The following CAV1 variants were observed in gnomAD, a reference collection of about 807,000 sequenced individuals.
CAV1 encodes the protein caveolin-1.
A neutral mutation model predicts 16.5 loss-of-function variants in CAV1; 10 were observed. That is an observed-to-expected ratio of 0.61 (90% CI 0.37 to 1.03). CAV1 has a LOEUF of 1.03. Among genes scored for constraint, CAV1 ranks in the 50% least tolerant of loss-of-function variants. The pLI is 0.01. For missense variants in CAV1, 212 were observed against 232.8 expected (o/e 0.91, Z 0.58); for synonymous variants, 76 against 85.1 (o/e 0.89, Z 0.59).
intron 2 of CAV1, among the ~76,000 whole-genome samples, chr7:116,534,384 TATATA>T (rs1416983159): frequency 3.0e-4 from 4 of 13,544 alleles, no homozygotes; most frequent in Admixed American, 9.3e-4. Context: ...TATATATATA[TATATA>T]TATATATTTT....
chr7:116,555,513 A>G (rs1562838097), intron 2 of CAV1, among the ~76,000 whole-genome samples: 170 of 13,232 alleles, frequency 0.013, 23 homozygotes, highest in East Asian at 0.056. Flanking sequence ...AGAAAGAAAG[A>G]AAGAAAGAGA....
At chr7:116,541,576 C>G (rs1220822268) in intron 2 of CAV1, among the ~76,000 whole-genome samples, 1 of 151,892 alleles carries the variant, frequency 6.6e-6, no homozygotes, top group African/African-American at 2.4e-5. Flanking sequence ...CATGGTGAAA[C>G]CTCATGTCTA....
Position 116,559,108 on chromosome 7 carries a change from G to T in CAV1, c.358G>T (p.Ala120Ser). The change falls in exon 3 of 3, where the codon GCC becomes TCC. Residue 120 changes from alanine (A) to serine (S), a missense_variant. Transcript: ENST00000341049. ...PMALIWGIYF[A>S]ILSFLHIWAV... is the part of the protein sequence containing the mutation. ...GGCACTCATCTGGGGCATTTACTTC[G>T]CCATTCTCTCTTTCCTGCACATCTG... 2.5e-6 allele frequency: 4 copies of T among 1,613,802 alleles called. No homozygotes were observed. Among genetic ancestry groups the T allele is most frequent in the Non-Finnish European group, 2.5e-6 (3 of 1,179,894 alleles).
chr7:116,541,402 C>G (rs1167814543), intron 2 of CAV1, among the ~76,000 whole-genome samples: 1 of 152,108 alleles, frequency 6.6e-6, no homozygotes, highest in Non-Finnish European at 1.5e-5. Flanking sequence ...ACGCAATTAC[C>G]ATTCAAGATA....
At chr7:116,547,448 A>G (rs757301730) in intron 2 of CAV1, among the ~76,000 whole-genome samples, 38 of 152,202 alleles carry the variant, frequency 2.5e-4, no homozygotes, top group Non-Finnish European at 3.4e-4. Flanking sequence ...TCCAAAGCAA[A>G]GAGAGTGGCT....
At chr7:116,527,154 C>T (rs926198) in intron 2 of CAV1, 132,462 of 202,494 alleles carry the variant, frequency 0.65, 44,719 homozygotes, top group East Asian at 0.94. Flanking sequence ...GGGCATGTTC[C>T]CCCAACTAAA....
intron 1 of CAV1, chr7:116,525,725 G>A (rs1000916925): frequency 1.9e-6 from 2 of 1,060,070 alleles, no homozygotes; most frequent in South Asian, 6.9e-5. Flanking sequence ...TGGAAACCTC[G>A]TCTTCCAACA....
At chr7:116,528,989 C>A (rs542996552) in intron 2 of CAV1, among the ~76,000 whole-genome samples, 65 of 152,066 alleles carry the variant, frequency 4.3e-4, no homozygotes, top group Non-Finnish European at 1.3e-4. Flanking sequence ...GCCACCATGC[C>A]GGGTTAATAT....
Position 116,526,559 on chromosome 7 carries a change from GCAACATCTA to G in CAV1, c.69_77del (p.Asn23_Tyr25del). The G allele has an allele frequency of 6.2e-7, 1 of 1,614,080 alleles. No homozygotes were observed. The highest frequency in any genetic ancestry group is 8.5e-7 in the Non-Finnish European group (1 of 1,180,032). ...TACACCGTTCCCATCCGGGAACAGG[GCAACATCTA>G]CAAGCCCAACAACAAGGCCATGGCA... On this transcript the variant is annotated inframe_deletion, in exon 2 of 3. Transcript: ENST00000341049.
At position 116,560,863 on chromosome 7, in the gene CAV1, C is replaced by A; in HGVS notation, c.*1576C>A. 1 of 152,698 alleles carries A rather than the reference C, an allele frequency of 6.5e-6. No homozygotes were observed. The allele number at this position is 152,698 out of a possible 1,614,324, so 9.5% of individuals were successfully genotyped here. ...TGACTTTTTGCATTTAAAACAGACACTGGCATGGATATAGTTTTACTTTTA... is the reference window on the plus strand; with the variant it reads ...TGACTTTTTGCATTTAAAACAGACAATGGCATGGATATAGTTTTACTTTTA... On this transcript the variant is annotated 3_prime_UTR_variant, in exon 3 of 3. Transcript: ENST00000341049.
At chr7:116,546,827 A>G (rs993620806) in intron 2 of CAV1, among the ~76,000 whole-genome samples, 1 of 152,172 alleles carries the variant, frequency 6.6e-6, no homozygotes, top group Admixed American at 6.5e-5. Flanking sequence ...TCCCTAAAAA[A>G]GTATCACAAG....
chr7:116,546,325 G>A (rs973295902), intron 2 of CAV1, among the ~76,000 whole-genome samples: 1 of 152,170 alleles, frequency 6.6e-6, no homozygotes, highest in African/African-American at 2.4e-5. Context: ...ATGGCTCCGG[G>A]TTCCCTCAGA....
At chr7:116,525,691 A>G in intron 1 of CAV1, 1 of 1,082,358 alleles carries the variant, frequency 9.2e-7, no homozygotes, top group African/African-American at 1.7e-5. Flanking sequence ...AACGCCCTCC[A>G]CGCGCTGGAG....
At chr7:116,558,796 T>G (rs929321371) in intron 2 of CAV1, 150 bp from the exon 3 acceptor site, 13 of 663,478 alleles carry the variant, frequency 2.0e-5, no homozygotes, top group Non-Finnish European at 3.2e-5. Flanking sequence ...AAGTTCCAAG[T>G]GATGCTGATG....
At chr7:116,526,314 T>A in intron 1 of CAV1, 2 of 1,415,592 alleles carry the variant, frequency 1.4e-6, no homozygotes, top group East Asian at 5.6e-5. Context: ...GGGTGTGGTG[T>A]CCTCTGCGAG....
chr7:116,542,651 T>G (rs752345328), intron 2 of CAV1: 1 of 152,218 alleles, frequency 6.6e-6, no homozygotes, highest in Non-Finnish European at 1.5e-5. Flanking sequence ...GCACACTGCT[T>G]TAGCAACTAC....
chr7:116,533,372 TAAAATAAAATAA>T (rs1562829439), intron 2 of CAV1, among the ~76,000 whole-genome samples: 34 of 93,592 alleles, frequency 3.6e-4, no homozygotes, highest in African/African-American at 1.3e-3. Context: ...TAAAATAAAA[TAAAATAAAATAA>T]AATAAAATAA....
chr7:116,542,464 G>C (rs976923830), intron 2 of CAV1, among the ~76,000 whole-genome samples: 1 of 152,108 alleles, frequency 6.6e-6, no homozygotes, highest in Non-Finnish European at 1.5e-5. Flanking sequence ...ATTGGGTCTG[G>C]TTTAGACTCT....
intron 2 of CAV1, among the ~76,000 whole-genome samples, chr7:116,538,445 A>C (rs1208759703): frequency 6.6e-6 from 1 of 152,248 alleles, no homozygotes; most frequent in African/African-American, 2.4e-5. Flanking sequence ...GGAAATGGGC[A>C]TACCAAAATA....
Sources: allele counts gnomAD v4.1 joint callset (sites outside exome capture counted in the v4.1 genomes callset), GRCh38; gene constraint gnomAD v4.1.1; transcripts MANE v1.5; gene names NCBI Gene and HGNC (gene_info 2026-07-23, HGNC 2026-07-21).